The following ABCA6 variants were observed in gnomAD, a reference collection of about 807,000 sequenced individuals.
The protein encoded by ABCA6 is ATP-binding cassette sub-family A member 6.
A neutral mutation model predicts 191.2 loss-of-function variants in ABCA6; 164 were observed. The observed-to-expected ratio is 0.86, with a 90% CI of 0.76 to 0.98. The LOEUF (loss-of-function observed/expected upper bound fraction) is 0.98. ABCA6 is among the 50% of genes least tolerant of loss of function. The pLI, the probability that ABCA6 is intolerant of heterozygous loss-of-function variation, is 0.00. For synonymous variants in ABCA6, 636 were observed against 647.7 expected (o/e 0.98, Z 0.27); for missense variants, 1,958 against 1,894.1 (o/e 1.03, Z -0.63).
At chr17:69,107,925 C>T in intron 17 of ABCA6, 113 bp from the exon 18 acceptor site, 1 of 705,172 alleles carries the variant, frequency 1.4e-6, no homozygotes, top group Non-Finnish European at 2.3e-6. Flanking sequence ...AAATTATGTC[C>T]TTGGAGTATC....
chr17:69,106,751 T>C (rs1405489016), intron 18 of ABCA6, among the ~76,000 whole-genome samples: 3 of 152,110 alleles, frequency 2.0e-5, no homozygotes, highest in Non-Finnish European at 4.4e-5. Context: ...CCAATGGTGA[T>C]AAAAAATTAA....
rs777546770 is a variant in ABCA6 at position 69,098,022 on chromosome 17, G to T, written c.3018C>A (p.His1006Gln). 3.5e-5 allele frequency: 55 copies of T among 1,586,718 alleles called. No homozygotes were observed. Among genetic ancestry groups the T allele is most frequent in the Non-Finnish European group, 4.4e-5 (51 of 1,171,342 alleles). The change falls in exon 23 of 39, where the codon CAC becomes CAA. Residue 1006 changes from histidine (H) to glutamine (Q), a missense_variant. His to Gln is a conservative substitution (Grantham distance 24). Coordinates refer to ENST00000284425, the MANE Select transcript of ABCA6 (RefSeq NM_080284.3). The part of the protein sequence containing the change: ...RIESSPFPLS[H>Q]IGLWTGLPDG... The stretch of plus-strand genomic sequence containing the variant: ...CCGGCAACCCAGTCCAGAGTCCTAT[G>T]TGGCTCTGAAAATATAAAGGGTAGC...
chr17:69,113,793 G>A, intron 13 of ABCA6, 56 bp from the exon 14 acceptor site: 1 of 1,507,286 alleles, frequency 6.6e-7, no homozygotes, highest in Non-Finnish European at 9.0e-7. Context: ...CATTTATGCA[G>A]CCAAAAGACA....
In ABCA6 at chr17:69,110,816, T is replaced by C. The variant is rs1281950586; in HGVS notation, c.2257A>G (p.Thr753Ala). Residue 753 changes from threonine (T) to alanine (A), a missense_variant, in exon 17 of 39, where the codon ACA becomes GCA. By Grantham distance (58) the Thr-to-Ala change is moderately conservative. Transcript: ENST00000284425. The part of the protein sequence containing the change: ...KLVYTLPLER[T>A]NTFPDLFSDL... ...GTTGAGTTACCTGGAAATGTATTTG[T>C]CCTTTCCAGTGGCAAAGTATATACA... The C allele has an allele frequency of 1.2e-6, 2 of 1,608,214 alleles. No homozygotes were observed. Among genetic ancestry groups the C allele is most frequent in the Non-Finnish European group, 1.7e-6 (2 of 1,177,554 alleles).
At chr17:69,104,450 A>G (rs2073245741) in intron 20 of ABCA6, 1 of 152,096 alleles carries the variant, frequency 6.6e-6, no homozygotes, top group Admixed American at 6.6e-5. Context: ...CAAGAATGAG[A>G]AACGGAAAGG....
At chr17:69,129,479 C>A (rs1033377477) in intron 7 of ABCA6, 131 bp downstream of exon 7, 2 of 726,412 alleles carry the variant, frequency 2.8e-6, no homozygotes, top group South Asian at 5.1e-5. Context: ...CAAGTACACA[C>A]AAGGACACAC....
intron 15 of ABCA6, 72 bp from the exon 16 acceptor site, chr17:69,112,345 G>A (rs2073440906): frequency 2.5e-6 from 3 of 1,208,332 alleles, no homozygotes; most frequent in African/African-American, 1.5e-5. Flanking sequence ...GAAAGACGAG[G>A]AGCCAAGGCT....
At chr17:69,123,207 C>A in intron 10 of ABCA6, 32 bp downstream of exon 10, 2 of 1,328,240 alleles carry the variant, frequency 1.5e-6, no homozygotes, top group South Asian at 4.5e-5. Flanking sequence ...GCCTTGTGCT[C>A]ATGCATTAGT....
At position 69,115,462 on chromosome 17, in the gene ABCA6, C is replaced by G. The variant is rs142091347; in HGVS notation, c.1520G>C (p.Gly507Ala). 1,374 of 1,611,004 alleles carry G rather than the reference C, an allele frequency of 8.5e-4. 15 individuals carry two copies. In the African/African-American group the frequency reaches 0.017, roughly 20 times the overall value. Residue 507 changes from glycine to alanine, a missense_variant, in exon 12 of 39, where the codon GGT becomes GCT. Coordinates refer to ENST00000284425, the MANE Select transcript of ABCA6 (RefSeq NM_080284.3). Reference protein sequence around the residue: ...LKGLLFDIYEGQITAILGHSG... With the variant: ...LKGLLFDIYEAQITAILGHSG... ...GTGACCCAGGATTGCCGTGATTTGA[C>G]CTTCATATATGTCAAAGAGCAAGCC...
At chr17:69,098,690 A>G (rs964826460) in intron 22 of ABCA6, 3 of 151,250 alleles carry the variant, frequency 2.0e-5, no homozygotes, top group Non-Finnish European at 4.4e-5. Context: ...CGAACCTGGA[A>G]AATATGCTAA....
intron 8 of ABCA6, among the ~76,000 whole-genome samples, chr17:69,126,519 A>T (rs2073757121): frequency 6.6e-6 from 1 of 151,924 alleles, no homozygotes; most frequent in Non-Finnish European, 1.5e-5. Flanking sequence ...GTGGTGGTGT[A>T]TGTCTATAGT....
In ABCA6 at chr17:69,134,659, TA is replaced by T. The variant is rs559715780; in HGVS notation, c.543del (p.Ile182LeufsTer6). ...CTTACTTCTATAATGGCAGTATTAA[TA>T]GCTGTTTGTAAAGCCACAAATCCTC... is the stretch of plus-strand genomic sequence containing the variant. The part of the protein sequence containing the change: ...WNRGFVALQT[A>X]INTAIIEITT... On this transcript the variant is annotated frameshift_variant, in exon 5 of 39. Transcript: ENST00000284425. LOFTEE classifies it high-confidence loss of function. The T allele has an allele frequency of 4.7e-5, 76 of 1,613,212 alleles. 1 individual carries two copies. In the East Asian group the frequency reaches 1.2e-3, roughly 26 times the overall value.
intron 27 of ABCA6, 113 bp downstream of exon 27, chr17:69,089,352 C>A: frequency 1.0e-6 from 1 of 986,480 alleles, no homozygotes; most frequent in Non-Finnish European, 1.5e-6. Flanking sequence ...AGTGCTTTAT[C>A]TAAGATCATA....
Position 69,110,779 on chromosome 17 carries a change from A to T in ABCA6, c.2272+22T>A, listed in dbSNP as rs575792408. ...AACATTTTTTCCCATATTTCATTTC[A>T]TTGTAATCATAGTTGAGTTACCTGG... On this transcript the variant is annotated intron_variant, in intron 17 of 38. Transcript: ENST00000284425. The T allele has an allele frequency of 3.2e-6, 5 of 1,584,530 alleles. No individual in the cohort carries two copies. The African/African-American group carries it at 6.8e-5, about 22-fold the overall frequency.
At chr17:69,111,000 G>T (rs1188631768) in intron 16 of ABCA6, 60 bp from the exon 17 acceptor site, 4 of 1,490,866 alleles carry the variant, frequency 2.7e-6, no homozygotes, top group Non-Finnish European at 3.6e-6. Flanking sequence ...CACAAAAGAA[G>T]AGCTTTAATT....
At position 69,091,123 on chromosome 17, in the gene ABCA6, C is replaced by T. The variant is rs1568001344; in HGVS notation, c.3528+20G>A. 2 of 1,596,908 alleles carry T rather than the reference C, an allele frequency of 1.3e-6. No homozygotes were observed. Among genetic ancestry groups the T allele is most frequent in the East Asian group, 2.3e-5 (1 of 44,306 alleles). Reference sequence around the variant, plus strand: ...AGCTACATATTCAAAATTAATGACACAGTTGGTAACATTTCTTACCACTTC... The same window carrying T: ...AGCTACATATTCAAAATTAATGACATAGTTGGTAACATTTCTTACCACTTC... On this transcript the variant is annotated intron_variant, in intron 26 of 38. Coordinates refer to ENST00000284425, the MANE Select transcript of ABCA6 (RefSeq NM_080284.3).
At chr17:69,106,289 A>ACT (rs1172632983) in intron 18 of ABCA6, 78 bp from the exon 19 acceptor site, 1 of 1,353,858 alleles carries the variant, frequency 7.4e-7, no homozygotes, top group East Asian at 2.5e-5. Context: ...TTTCCTTAGT[A>ACT]ATATTAAAAA....
intron 20 of ABCA6, chr17:69,104,670 A>C (rs1437745441): frequency 1.3e-5 from 2 of 149,720 alleles, no homozygotes; most frequent in African/African-American, 4.9e-5. Context: ...AAAACAAAAA[A>C]ACAAAAAAAC....
Position 69,085,631 on chromosome 17 carries a change from A to G in ABCA6, c.4023T>C (p.Ala1341=), listed in dbSNP as rs752400659. 1 of 1,610,810 alleles carries G rather than the reference A, an allele frequency of 6.2e-7. No homozygotes were observed. Among genetic ancestry groups the G allele is most frequent in the Admixed American group, 1.7e-5 (1 of 59,730 alleles). ...RMISGITKPT[A]GEVELKGCSS... is the part of the protein sequence containing the mutation. ...GAAACCATTTCCTCACTACCTCTCC[A>G]GCAGTTGGCTTTGTGATCCCAGATA... Residue 1341 remains alanine, a synonymous_variant, in exon 31 of 39, where the codon GCT becomes GCC. Transcript: ENST00000284425.
Sources: allele counts gnomAD v4.1 joint callset (sites outside exome capture counted in the v4.1 genomes callset), GRCh38; gene constraint gnomAD v4.1.1; transcripts MANE v1.5; gene names NCBI Gene and HGNC (gene_info 2026-07-23, HGNC 2026-07-21).